SETX: variants seen among roughly 807,000 people sequenced by gnomAD.
The protein encoded by SETX is helicase senataxin.
Under a neutral mutation model 227.2 loss-of-function variants are expected in SETX, and 90 were observed. The ratio of observed to expected loss-of-function variants is 0.40; its 90% CI spans 0.33 to 0.47. SETX has a LOEUF of 0.47. SETX is among the 20% of genes least tolerant of loss of function. The pLI is 0.91. For missense variants in SETX, 3,052 were observed against 3,181.5 expected (o/e 0.96, Z 0.98); for synonymous variants, 1,210 against 1,113.2 (o/e 1.09, Z -1.73).
chr9:132,336,067 C>T (rs1409800903), intron 6 of SETX, among the ~76,000 whole-genome samples: 27 of 152,060 alleles, frequency 1.8e-4, no homozygotes, highest in Non-Finnish European at 1.5e-5. Context: ...CATGGTGAAA[C>T]CCCGTCTCTA....
At chr9:132,288,127 G>T in intron 17 of SETX, 109 bp downstream of exon 17, 1 of 842,010 alleles carries the variant, frequency 1.2e-6, no homozygotes, top group Non-Finnish European at 2.0e-6. Context: ...AGTGAGTCAG[G>T]ATTGTGCTAC....
At chr9:132,324,971 G>A (rs1846614927) in intron 10 of SETX, among the ~76,000 whole-genome samples, 1 of 152,192 alleles carries the variant, frequency 6.6e-6, no homozygotes, top group Admixed American at 6.5e-5. Flanking sequence ...CTTATCGTTT[G>A]TCAACTCTAC....
intron 12 of SETX, 99 bp downstream of exon 12, chr9:132,300,530 TA>T: frequency 7.5e-7 from 1 of 1,325,446 alleles, no homozygotes; most frequent in South Asian, 1.2e-5. Flanking sequence ...ACATGTTCGG[TA>T]AATGTCTATC....
rs561666730 is a variant in SETX, at chr9:132,338,935, A to C, written c.499-2420T>G. Among the ~76,000 whole-genome samples, 5 of 151,900 alleles carry C rather than the reference A, an allele frequency of 3.3e-5. No individual in the cohort carries two copies. The East Asian group carries it at 7.7e-4, about 24-fold the overall frequency. On this transcript the variant is annotated intron_variant, in intron 5 of 25. Transcript: ENST00000224140. ...GTTATGCCAAGCTAATTAAAAAAAAAATTTTTTTGTAGGGATAGGTTCTTG... is the reference window on the plus strand; with the variant it reads ...GTTATGCCAAGCTAATTAAAAAAAACATTTTTTTGTAGGGATAGGTTCTTG...
chr9:132,312,182 A>C (rs1589702927), intron 10 of SETX, among the ~76,000 whole-genome samples: 1 of 152,202 alleles, frequency 6.6e-6, no homozygotes, highest in Non-Finnish European at 1.5e-5. Context: ...CCAGCAGTGC[A>C]TAACGTACTG....
intron 11 of SETX, among the ~76,000 whole-genome samples, chr9:132,304,412 T>G (rs1845201724): frequency 1.3e-5 from 2 of 151,862 alleles, no homozygotes; most frequent in Admixed American, 1.3e-4. Context: ...TCACTACACT[T>G]GCAGAAAAGG....
intron 21 of SETX, among the ~76,000 whole-genome samples, chr9:132,277,372 G>C (rs767440735): frequency 1.3e-5 from 2 of 152,210 alleles, no homozygotes; most frequent in South Asian, 2.1e-4. Context: ...AATATAACAA[G>C]TATGATTGGA....
At chr9:132,315,850 A>G (rs1439760231) in intron 10 of SETX, among the ~76,000 whole-genome samples, 1 of 152,098 alleles carries the variant, frequency 6.6e-6, no homozygotes, top group African/African-American at 2.4e-5. Flanking sequence ...CCCTGATTCC[A>G]CTTCCATGAC....
At chr9:132,341,412 A>G (rs1221891193) in intron 5 of SETX, among the ~76,000 whole-genome samples, 1 of 152,012 alleles carries the variant, frequency 6.6e-6, no homozygotes, top group African/African-American at 2.4e-5. Flanking sequence ...TTGGTTTGCA[A>G]GCTCATCCGA....
chr9:132,333,565 A>T (rs1847403049), intron 7 of SETX, among the ~76,000 whole-genome samples: 1 of 151,780 alleles, frequency 6.6e-6, no homozygotes, highest in South Asian at 2.1e-4. Flanking sequence ...GGAAAAAATT[A>T]TACTCATTAT....
chr9:132,321,705 G>A (rs1166307), intron 10 of SETX, among the ~76,000 whole-genome samples: 104,201 of 140,652 alleles, frequency 0.74, 39,729 homozygotes, highest in Non-Finnish European at 0.84. Context: ...AAAATTAGCC[G>A]GGTGTGGTGG....
At chr9:132,342,890 T>A in intron 4 of SETX, 91 bp from the exon 5 acceptor site, 1 of 974,846 alleles carries the variant, frequency 1.0e-6, no homozygotes, top group Non-Finnish European at 1.6e-6. Context: ...TGTAAATAAA[T>A]AAAAATTTGC....
At position 132,334,471 on chromosome 9, in the gene SETX, A is replaced by G. The variant is rs892586046; in HGVS notation, c.838+137T>C. 1.8e-5 allele frequency: 18 copies of G among 977,662 alleles called. No homozygotes were observed. The African/African-American group carries it at 2.7e-4, about 15-fold the overall frequency. 60.6% of individuals were successfully genotyped at this position (977,662 alleles called of 1,614,324 possible). ...ATCAAAAAACAAAACAAAACAAAAT[A>G]AAAAGTCTGAATCTATTACTAAACC... On this transcript the variant is annotated intron_variant, in intron 7 of 25. Coordinates refer to ENST00000224140, the MANE Select transcript of SETX (RefSeq NM_015046.7).
chr9:132,277,236 G>A, intron 21 of SETX, 84 bp from the exon 22 acceptor site: 1 of 1,217,468 alleles, frequency 8.2e-7, no homozygotes, highest in African/African-American at 1.5e-5. Flanking sequence ...TTTTTTCTGT[G>A]TGGTGATGTG....
Position 132,277,168 on chromosome 9 carries a change from AGCAGTC to A in SETX, c.6843-22_6843-17del. ...TTCTGTCTGTCTGTAAAAAAAAAAA[AGCAGTC>A]AACATTCAGAATAAAGTCAAGATTT... On this transcript the variant is annotated splice_polypyrimidine_tract_variant and intron_variant, in intron 21 of 25. Coordinates refer to ENST00000224140, the MANE Select transcript of SETX (RefSeq NM_015046.7). The A allele has an allele frequency of 6.4e-7, 1 of 1,563,326 alleles. No homozygotes were observed. Among genetic ancestry groups the A allele is most frequent in the Non-Finnish European group, 8.8e-7 (1 of 1,137,550 alleles).
intron 15 of SETX, 113 bp downstream of exon 15, chr9:132,295,759 A>T: frequency 1.0e-6 from 1 of 966,302 alleles, no homozygotes; most frequent in Non-Finnish European, 1.6e-6. Flanking sequence ...CAAGCCACAG[A>T]TTCAAGTAGA....
Position 132,264,529 on chromosome 9 carries a change from G to A in SETX, c.7744C>T (p.Gln2582Ter). Reference sequence around the variant, plus strand: ...GGCTGCTGTATATGGCTCAGGTCCTGGTGAACGACAGGGAAGCCCGGCTCG... The same window carrying A: ...GGCTGCTGTATATGGCTCAGGTCCTAGTGAACGACAGGGAAGCCCGGCTCG... ...TGEPGFPVVH[Q>*]DLSHIQQPAA... Residue 2582 changes from glutamine to a stop codon, truncating the protein, a stop_gained, in exon 26 of 26, where the codon CAG (glutamine) becomes TAG (stop). Coordinates refer to ENST00000224140, the MANE Select transcript of SETX (RefSeq NM_015046.7). LOFTEE classifies it low-confidence loss of function (END_TRUNC). The A allele has an allele frequency of 6.2e-7, 1 of 1,613,966 alleles. No individual in the cohort carries two copies. Among genetic ancestry groups the A allele is most frequent in the Non-Finnish European group, 8.5e-7 (1 of 1,179,966 alleles).
rs3831154 is a variant in SETX at position 132,298,067 on chromosome 9, C to CA, written c.5781+12dup. On this transcript the variant is annotated intron_variant, in intron 13 of 25. Coordinates refer to ENST00000224140, the MANE Select transcript of SETX (RefSeq NM_015046.7). ...TAACATGAAATTATCTAGTATCATA[C>CA]ATCATCACTCACAATTCTCTCAGAT... 0.2 allele frequency: 312,340 copies of CA among 1,582,696 alleles called. 41,346 individuals carry two copies. The highest frequency in any genetic ancestry group is 0.7 in the East Asian group (31,333 of 44,658).
chr9:132,277,516 C>T (rs993198345), intron 21 of SETX, among the ~76,000 whole-genome samples: 4 of 152,122 alleles, frequency 2.6e-5, no homozygotes, highest in African/African-American at 7.2e-5. Context: ...CGGTGACTCT[C>T]GCCTGTAATC....
Sources: gnomAD v4.1 joint callset for allele counts (sites outside exome capture counted in the v4.1 genomes callset) on GRCh38, gnomAD v4.1.1 for gene constraint, MANE v1.5 for transcripts, NCBI Gene and HGNC (gene_info 2026-07-23, HGNC 2026-07-21) for gene names.